KCNK3: variants seen among roughly 807,000 people sequenced by gnomAD.
The protein encoded by KCNK3 is potassium channel subfamily K member 3.
A neutral mutation model predicts 27.3 loss-of-function variants in KCNK3; 9 were observed. The observed-to-expected ratio is 0.33, with a 90% CI of 0.20 to 0.57. The LOEUF (loss-of-function observed/expected upper bound fraction) is 0.57, where lower values mean the gene tolerates loss of function less well. KCNK3 is among the 20% of genes least tolerant of loss of function. The probability of loss-of-function intolerance (pLI) is 0.87; values close to 1 mark genes in which losing one functional copy is unlikely to be tolerated. For synonymous variants in KCNK3, 278 were observed against 273.8 expected (o/e 1.02, Z -0.15); for missense variants, 391 against 577.7 (o/e 0.68, Z 3.31).
rs1663447963 is a variant in KCNK3, at chr2:26,727,653, C to T, written c.284-14C>T. On this transcript the variant is annotated splice_polypyrimidine_tract_variant and intron_variant, in intron 1 of 1. Coordinates refer to ENST00000302909, the MANE Select transcript of KCNK3 (RefSeq NM_002246.3). ...AAATGTGTGCTTTTTCTCCTCTTTC[C>T]CACTTTCCCCCAGGCTACGGGCACG... 2 of 1,510,806 alleles carry T rather than the reference C, an allele frequency of 1.3e-6. No individual in the cohort carries two copies. Among genetic ancestry groups the T allele is most frequent in the Middle Eastern group, 1.9e-4 (1 of 5,194 alleles). The allele number at this position is 1,510,806 out of a possible 1,614,324, so 93.6% of individuals were successfully genotyped here.
intron 1 of KCNK3, among the ~76,000 whole-genome samples, chr2:26,709,563 C>T (rs1663064169): frequency 6.6e-6 from 1 of 152,124 alleles, no homozygotes. Context: ...GAGACATTGG[C>T]CATGAAAGCA....
intron 1 of KCNK3, among the ~76,000 whole-genome samples, chr2:26,713,397 G>T (rs1308988345): frequency 1.3e-5 from 2 of 152,152 alleles, no homozygotes; most frequent in Non-Finnish European, 2.9e-5. Flanking sequence ...CCACTTACTG[G>T]CCAGGAAACC....
At chr2:26,710,585 A>T (rs1346231794) in intron 1 of KCNK3, among the ~76,000 whole-genome samples, 1 of 151,940 alleles carries the variant, frequency 6.6e-6, no homozygotes, top group African/African-American at 2.4e-5. Flanking sequence ...TGTAGGGGGG[A>T]AGAGGGAAGC....
At chr2:26,694,814 T>G (rs745428603) in intron 1 of KCNK3, among the ~76,000 whole-genome samples, 2 of 152,104 alleles carry the variant, frequency 1.3e-5, no homozygotes, top group Non-Finnish European at 2.9e-5. Flanking sequence ...CTGAACATCT[T>G]TGGACCCTCT....
At chr2:26,717,850 T>C (rs1021650917) in intron 1 of KCNK3, among the ~76,000 whole-genome samples, 6 of 152,214 alleles carry the variant, frequency 3.9e-5, no homozygotes, top group Non-Finnish European at 8.8e-5. Context: ...CAGGCTCATC[T>C]CTGATGCCTC....
intron 1 of KCNK3, among the ~76,000 whole-genome samples, chr2:26,701,871 C>T (rs1328527609): frequency 6.6e-6 from 1 of 152,120 alleles, no homozygotes; most frequent in South Asian, 2.1e-4. Flanking sequence ...ACCCAGGAGG[C>T]GGAGATTGCA....
In KCNK3 at chr2:26,714,107, A is replaced by G. The variant is rs185438215; in HGVS notation, c.284-13560A>G. 6.6e-5 allele frequency among the ~76,000 whole-genome samples: 10 copies of G among 152,156 alleles called. No individual in the cohort carries two copies. The East Asian group carries it at 1.9e-3, about 29-fold the overall frequency. On this transcript the variant is annotated intron_variant, in intron 1 of 1. Transcript: ENST00000302909. ...AAAAAAAAGAAAAGAAAAAGAAAGA[A>G]ACATGTATGTGTTAATAAGAGCTCC...
At position 26,726,713 on chromosome 2, in the gene KCNK3, A is replaced by G. The variant is rs112030814; in HGVS notation, c.284-954A>G. ...CTCCAGTTAGCCGGAAGAATTCTCAACTTAGGCTTTGGAATGGCTGGTGCA... is the reference window on the plus strand; with the variant it reads ...CTCCAGTTAGCCGGAAGAATTCTCAGCTTAGGCTTTGGAATGGCTGGTGCA... On this transcript the variant is annotated intron_variant, in intron 1 of 1. Transcript: ENST00000302909. Among the ~76,000 whole-genome samples, 11 of 139,686 alleles carry G rather than the reference A, an allele frequency of 7.9e-5. No individual in the cohort carries two copies. The South Asian group carries it at 1.2e-3, about 15-fold the overall frequency. 91.6% of individuals were successfully genotyped at this position (139,686 alleles called of 152,430 possible).
rs767565044 is a variant in KCNK3 at position 26,728,073 on chromosome 2, G to A, written c.690G>A (p.Thr230=). The stretch of plus-strand genomic sequence containing the variant: ...CCTTCAGCTTCGTCTACATCCTTAC[G>A]GGCCTCACGGTCATCGGCGCCTTCC... ...YVAFSFVYIL[T]GLTVIGAFLN... Residue 230 remains threonine, a synonymous_variant, in exon 2 of 2, where the codon ACG becomes ACA. Transcript: ENST00000302909. 24 of 1,613,842 alleles carry A rather than the reference G, an allele frequency of 1.5e-5. No homozygotes were observed. Among genetic ancestry groups the A allele is most frequent in the East Asian group, 8.9e-5 (4 of 44,868 alleles).
Position 26,730,965 on chromosome 2 carries a change from C to T in KCNK3, c.*2397C>T, listed in dbSNP as rs1324268954. ...CCTGGAAGGCCAGTGTTGCTTCCCC[C>T]TCACTCCCTTTCACTGCAGGCAGCC... On this transcript the variant is annotated 3_prime_UTR_variant, in exon 2 of 2. Coordinates refer to ENST00000302909, the MANE Select transcript of KCNK3 (RefSeq NM_002246.3). 1.3e-5 allele frequency: 2 copies of T among 152,824 alleles called. No individual in the cohort carries two copies. The highest frequency in any genetic ancestry group is 4.8e-5 in the African/African-American group (2 of 41,438). 9.5% of individuals were successfully genotyped at this position (152,824 alleles called of 1,614,324 possible). A position where few individuals can be genotyped will look rare whatever the true frequency, so the allele number is the denominator to read the frequency against.
chr2:26,715,748 C>T (rs1465143797), intron 1 of KCNK3, among the ~76,000 whole-genome samples: 1 of 152,196 alleles, frequency 6.6e-6, no homozygotes, highest in African/African-American at 2.4e-5. Flanking sequence ...TCCGCTTCAG[C>T]TGGGGAATGT....
At chr2:26,711,409 C>T (rs1663107170) in intron 1 of KCNK3, among the ~76,000 whole-genome samples, 1 of 152,206 alleles carries the variant, frequency 6.6e-6, no homozygotes, top group South Asian at 2.1e-4. Context: ...GCACATCTTT[C>T]TCCCTAGAGG....
intron 1 of KCNK3, among the ~76,000 whole-genome samples, chr2:26,702,303 A>C (rs759022511): frequency 1.7e-4 from 26 of 152,214 alleles, no homozygotes; most frequent in Non-Finnish European, 3.5e-4. Flanking sequence ...AGATAGTAGC[A>C]CAAGACCTGT....
At chr2:26,720,862 C>T (rs1299539185) in intron 1 of KCNK3, among the ~76,000 whole-genome samples, 1 of 152,162 alleles carries the variant, frequency 6.6e-6, no homozygotes, top group African/African-American at 2.4e-5. Flanking sequence ...ACTCCAGATC[C>T]CATTCTGTAC....
intron 1 of KCNK3, among the ~76,000 whole-genome samples, chr2:26,695,635 G>A (rs1452737946): frequency 6.6e-6 from 1 of 152,188 alleles, no homozygotes; most frequent in East Asian, 1.9e-4. Context: ...TGCTCCAAGT[G>A]CCAGCATAGT....
rs1221813609 is a variant in KCNK3, at chr2:26,728,202, C to T, written c.819C>T (p.Gly273=). The T allele has an allele frequency of 1.3e-6, 2 of 1,562,370 alleles. No individual in the cohort carries two copies. The highest frequency in any genetic ancestry group is 1.7e-6 in the Non-Finnish European group (2 of 1,153,800). The change falls in exon 2 of 2, where the codon GGC becomes GGT. Residue 273 remains glycine, a synonymous_variant. Coordinates refer to ENST00000302909, the MANE Select transcript of KCNK3 (RefSeq NM_002246.3). ...LLTRNGQAGG[G]GGGGSAHTTD... ...CGCGCAACGGGCAGGCGGGCGGCGG[C>T]GGAGGGGGTGGCAGCGCGCACACTA...
chr2:26,696,696 T>C (rs1356699467), intron 1 of KCNK3, among the ~76,000 whole-genome samples: 2 of 152,202 alleles, frequency 1.3e-5, no homozygotes, highest in Non-Finnish European at 2.9e-5. Context: ...ACTTTAGCTG[T>C]TGAGTCATTA....
At position 26,728,380 on chromosome 2, in the gene KCNK3, C is replaced by T; in HGVS notation, c.997C>T (p.Leu333Phe). ...CATCCCCATGATCATCCCGCGGGAC[C>T]TCTCCACGTCCGACACGTGCGTGGA... ...YSIPMIIPRD[L>F]STSDTCVEQS... is the part of the protein sequence containing the mutation. The change falls in exon 2 of 2, where the codon CTC (leucine) becomes TTC (phenylalanine). Residue 333 changes from leucine to phenylalanine, a missense_variant. Around this residue, in one of 4 missense-constraint regions of KCNK3, gnomAD observed 192 missense variants for 196.0 expected, o/e 0.98. Coordinates refer to ENST00000302909, the MANE Select transcript of KCNK3 (RefSeq NM_002246.3). The T allele has an allele frequency of 6.2e-7, 1 of 1,607,608 alleles. No individual in the cohort carries two copies. The highest frequency in any genetic ancestry group is 8.5e-7 in the Non-Finnish European group (1 of 1,177,464).
At chr2:26,703,823 C>G (rs6731071) in intron 1 of KCNK3, among the ~76,000 whole-genome samples, 1 of 152,060 alleles carries the variant, frequency 6.6e-6, no homozygotes, top group South Asian at 2.1e-4. Context: ...TTGAACAATG[C>G]GTGAGGACTT....
Sources: gnomAD v4.1 joint callset for allele counts (sites outside exome capture counted in the v4.1 genomes callset) on GRCh38, gnomAD v4.1.1 for gene constraint, gnomAD v4.1.1 regional missense constraint, MANE v1.5 for transcripts, NCBI Gene and HGNC (gene_info 2026-07-23, HGNC 2026-07-21) for gene names.